The following ARB2A variants were observed in gnomAD, a reference collection of about 807,000 sequenced individuals.
The protein encoded by ARB2A is ARB2 cotranscriptional regulator A.
chr5:93,887,230 T>A, the ARB2A span, among the ~76,000 whole-genome samples: 1 of 137,160 alleles, frequency 7.3e-6, no homozygotes. Context: ...CAAACAAAAG[T>A]GAAAGCAGAT....
the ARB2A span, among the ~76,000 whole-genome samples, chr5:93,881,910 C>CA: frequency 6.7e-6 from 1 of 150,182 alleles, no homozygotes; most frequent in South Asian, 2.1e-4. Flanking sequence ...TTTATAAGAA[C>CA]AAAAAATATA....
the ARB2A span, among the ~76,000 whole-genome samples, chr5:93,645,383 C>G: frequency 1.3e-5 from 2 of 152,030 alleles, no homozygotes; most frequent in Non-Finnish European, 2.9e-5. Flanking sequence ...ACCATCCTGG[C>G]CAATATGGTG....
chr5:94,095,164 A>T, the ARB2A span, among the ~76,000 whole-genome samples: 1 of 152,138 alleles, frequency 6.6e-6, no homozygotes, highest in African/African-American at 2.4e-5. Context: ...ATATCACTTG[A>T]CCAAAAGCCC....
chr5:93,620,378 G>A, the ARB2A span: 1 of 151,948 alleles, frequency 6.6e-6, no homozygotes, highest in Non-Finnish European at 1.5e-5. Context: ...ATGAAAACAG[G>A]GAGAGAACAA....
At chr5:93,714,904 C>A in the ARB2A span, among the ~76,000 whole-genome samples, 4 of 152,088 alleles carry the variant, frequency 2.6e-5, no homozygotes, top group African/African-American at 7.2e-5. Context: ...GGAGTTACAC[C>A]AACTATAGAC....
the ARB2A span, among the ~76,000 whole-genome samples, chr5:93,938,487 T>C: frequency 2.0e-5 from 3 of 152,238 alleles, no homozygotes; most frequent in African/African-American, 2.4e-5. Flanking sequence ...ACTTAATATA[T>C]TGTTTAGTGC....
At chr5:94,020,374 T>C in the ARB2A span, among the ~76,000 whole-genome samples, 3 of 152,118 alleles carry the variant, frequency 2.0e-5, no homozygotes, top group South Asian at 2.1e-4. Context: ...TGTATACCTA[T>C]GTAACAAACC....
At chr5:93,722,560 GTAGAAA>G in the ARB2A span, among the ~76,000 whole-genome samples, 1 of 152,012 alleles carries the variant, frequency 6.6e-6, no homozygotes, top group African/African-American at 2.4e-5. Flanking sequence ...GCTTTTCTAG[GTAGAAA>G]CTAACTACAG....
the ARB2A span, among the ~76,000 whole-genome samples, chr5:93,767,332 G>A: frequency 2.0e-5 from 3 of 152,084 alleles, no homozygotes; most frequent in African/African-American, 7.2e-5. Context: ...CCACAATGTG[G>A]TATCACCTTA....
chr5:93,708,787 C>A, the ARB2A span, among the ~76,000 whole-genome samples: 1 of 152,118 alleles, frequency 6.6e-6, no homozygotes, highest in Non-Finnish European at 1.5e-5. Context: ...CATAAACACA[C>A]CACACATATT....
chr5:93,660,886 T>C, the ARB2A span, among the ~76,000 whole-genome samples: 11 of 152,248 alleles, frequency 7.2e-5, no homozygotes, highest in Non-Finnish European at 1.5e-4. Flanking sequence ...GGAAAGAGAT[T>C]AGTCAGAGTC....
the ARB2A span, chr5:93,736,349 T>C: frequency 1.3e-5 from 2 of 152,322 alleles, no homozygotes; most frequent in African/African-American, 4.8e-5. Context: ...AGTAATCTTT[T>C]TAAAGAGTTA....
At chr5:93,885,734 C>T in the ARB2A span, among the ~76,000 whole-genome samples, 1 of 151,624 alleles carries the variant, frequency 6.6e-6, no homozygotes, top group African/African-American at 2.4e-5. Context: ...CTTTCATTTT[C>T]AGACCTGTGT....
At chr5:93,756,046 G>T in the ARB2A span, among the ~76,000 whole-genome samples, 9 of 152,286 alleles carry the variant, frequency 5.9e-5, no homozygotes, top group South Asian at 1.7e-3. Flanking sequence ...GGCATGGTGG[G>T]AGTGAGACCA....
At chr5:93,760,322 T>C in the ARB2A span, among the ~76,000 whole-genome samples, 28,258 of 152,134 alleles carry the variant, frequency 0.19, 3,034 homozygotes, top group Middle Eastern at 0.28. Flanking sequence ...GTTGACCACA[T>C]GGCCAAAAGC....
chr5:93,888,985 T>C, the ARB2A span, among the ~76,000 whole-genome samples: 2 of 151,788 alleles, frequency 1.3e-5, no homozygotes, highest in Non-Finnish European at 3.0e-5. Flanking sequence ...TCTACCTGTA[T>C]CCTATACTGA....
chr5:93,660,967 T>C, the ARB2A span, among the ~76,000 whole-genome samples: 1 of 152,136 alleles, frequency 6.6e-6, no homozygotes, highest in Non-Finnish European at 1.5e-5. Context: ...AGCTGGGTTT[T>C]GGAAGATTAT....
the ARB2A span, among the ~76,000 whole-genome samples, chr5:94,109,061 A>G: frequency 6.6e-6 from 1 of 152,244 alleles, no homozygotes; most frequent in African/African-American, 2.4e-5. Context: ...AACAAAATGT[A>G]TTAACAGCAT....
the ARB2A span, among the ~76,000 whole-genome samples, chr5:93,793,407 G>A: frequency 1.2e-4 from 18 of 151,702 alleles, no homozygotes; most frequent in Non-Finnish European, 8.8e-5. Flanking sequence ...TCCAGATCCC[G>A]TCTTTGTACC....
Sources: allele counts gnomAD v4.1 joint callset (sites outside exome capture counted in the v4.1 genomes callset), GRCh38; gene constraint gnomAD v4.1.1; transcripts MANE v1.5; gene names NCBI Gene and HGNC (gene_info 2026-07-23, HGNC 2026-07-21).